The following SULT6B1 variants were observed in gnomAD, a reference collection of about 807,000 sequenced individuals.
The protein encoded by SULT6B1 is sulfotransferase family 6B member 1, also known as sulfotransferase 6B1.
Under a neutral mutation model 37.2 loss-of-function variants are expected in SULT6B1, and 44 were observed. The observed-to-expected ratio is 1.18, with a 90% confidence interval of 0.93 to 1.52. The LOEUF (loss-of-function observed/expected upper bound fraction) is 1.52. SULT6B1 is among the 40% of genes most tolerant of loss of function. The pLI, the probability that SULT6B1 is intolerant of heterozygous loss-of-function variation, is 0.00. For missense variants in SULT6B1, 450 were observed against 361.0 expected, an observed-to-expected ratio of 1.25 and a Z score of -2.00; for synonymous variants, 140 against 126.0, an observed-to-expected ratio of 1.11 and a Z score of -0.74.
chr2:37,179,545 A>G lies in SULT6B1; in HGVS notation c.442T>C (p.Ser148Pro). 1 of 1,613,894 alleles carries G rather than the reference A, an allele frequency of 6.2e-7. No individual in the cohort carries two copies. Among genetic ancestry groups the G allele is most frequent in the Non-Finnish European group, 8.5e-7 (1 of 1,179,882 alleles). ...ACATCGTTGTGGAAATGCAAAAAAG[A>G]TACTGCTGTATCTTTAGGGTTTCGA... is the stretch of plus-strand genomic sequence containing the variant. ...IFRNPKDTAV[S>P]FLHFHNDVPD... Residue 148 changes from serine to proline, a missense_variant, in exon 4 of 7, where the codon TCT (serine) becomes CCT (proline). Ser to Pro is a moderately conservative substitution (Grantham distance 74). Transcript: ENST00000535679.
intron 5 of SULT6B1, among the ~76,000 whole-genome samples, chr2:37,172,208 A>G (rs6706672): frequency 0.71 from 108,485 of 152,000 alleles, 39,177 homozygotes; most frequent in East Asian, 0.96. Context: ...GTGCCACCAC[A>G]TCTGGCTAAT....
chr2:37,187,533 T>C, intron 1 of SULT6B1, 66 bp from the exon 2 acceptor site: 1 of 923,680 alleles, frequency 1.1e-6, no homozygotes, highest in South Asian at 1.8e-5. Context: ...GACGTTACTT[T>C]AGCATATACA....
chr2:37,193,333 G>T (rs1303956466), upstream of SULT6B1, among the ~76,000 whole-genome samples: 1 of 151,128 alleles, frequency 6.6e-6, no homozygotes, highest in African/African-American at 2.4e-5. Context: ...GTGGCGGTGC[G>T]TGCCTGTAGT....
intron 4 of SULT6B1, 74 bp downstream of exon 4, chr2:37,179,384 A>T: frequency 6.3e-7 from 1 of 1,584,196 alleles, no homozygotes. Flanking sequence ...CCTTTACCCT[A>T]AAACACATTT....
intron 4 of SULT6B1, among the ~76,000 whole-genome samples, chr2:37,177,585 G>A (rs1276815324): frequency 6.6e-6 from 1 of 152,094 alleles, no homozygotes; most frequent in Non-Finnish European, 1.5e-5. Flanking sequence ...GTACAAACTT[G>A]TTATGAAGTT....
At chr2:37,178,600 G>A (rs576550612) in intron 4 of SULT6B1, among the ~76,000 whole-genome samples, 1 of 139,656 alleles carries the variant, frequency 7.2e-6, no homozygotes, top group Admixed American at 7.8e-5. Flanking sequence ...CTCATAGTTT[G>A]TTATAAATCT....
At chr2:37,169,679 G>C (rs1351016623) in intron 6 of SULT6B1, among the ~76,000 whole-genome samples, 3 of 152,140 alleles carry the variant, frequency 2.0e-5, no homozygotes, top group South Asian at 4.1e-4. Context: ...ATTTTTGGTA[G>C]AGACAGGGTT....
intron 2 of SULT6B1, among the ~76,000 whole-genome samples, chr2:37,185,020 A>G (rs776479134): frequency 7.9e-5 from 12 of 152,212 alleles, no homozygotes; most frequent in Non-Finnish European, 1.3e-4. Context: ...ATTCACAACA[A>G]TCCTCTTAGG....
chr2:37,189,785 T>C (rs1461439853), upstream of SULT6B1: 1 of 152,262 alleles, frequency 6.6e-6, no homozygotes, highest in African/African-American at 2.4e-5. Flanking sequence ...TTTGGGTAAG[T>C]TGGCCCACAC....
At chr2:37,180,514 T>C (rs1275317734) in intron 3 of SULT6B1, among the ~76,000 whole-genome samples, 2 of 152,128 alleles carry the variant, frequency 1.3e-5, no homozygotes, top group Admixed American at 6.5e-5. Flanking sequence ...TTTAGATTAG[T>C]AGGTGGAGTA....
chr2:37,193,642 GA>G (rs1237976626), upstream of SULT6B1, among the ~76,000 whole-genome samples: 1 of 150,460 alleles, frequency 6.6e-6, no homozygotes, highest in African/African-American at 2.4e-5. Context: ...AGAAGAAGAA[GA>G]AGAAGAAGGA....
chr2:37,192,006 G>T (rs1473585447), upstream of SULT6B1, among the ~76,000 whole-genome samples: 9 of 152,340 alleles, frequency 5.9e-5, 1 homozygote. Flanking sequence ...AGCGGGCTGA[G>T]TGTGGATCCC....
At chr2:37,185,261 T>C (rs1676646069) in intron 2 of SULT6B1, among the ~76,000 whole-genome samples, 4 of 152,184 alleles carry the variant, frequency 2.6e-5, no homozygotes, top group Admixed American at 2.0e-4. Context: ...ATTAGATAGC[T>C]ACATAATATA....
chr2:37,168,163 A>C (rs1420668391), intron 6 of SULT6B1, 98 bp from the exon 7 acceptor site: 2 of 1,199,808 alleles, frequency 1.7e-6, no homozygotes, highest in African/African-American at 3.2e-5. Flanking sequence ...ATATGTTAAA[A>C]TGGACACATG....
At chr2:37,193,089 C>T (rs775329571), upstream of SULT6B1, among the ~76,000 whole-genome samples, 6 of 152,102 alleles carry the variant, frequency 3.9e-5, no homozygotes, top group Non-Finnish European at 8.8e-5. Flanking sequence ...GATAAATTAC[C>T]GCAGACCTAT....
intron 4 of SULT6B1, among the ~76,000 whole-genome samples, chr2:37,176,274 T>TC (rs1318708237): frequency 6.7e-6 from 1 of 149,000 alleles, no homozygotes; most frequent in African/African-American, 2.5e-5. Context: ...TTTTTTTTTT[T>TC]TTTTTTGAGA....
At chr2:37,178,573 G>C (rs1454899986) in intron 4 of SULT6B1, among the ~76,000 whole-genome samples, 1 of 151,684 alleles carries the variant, frequency 6.6e-6, no homozygotes, top group Non-Finnish European at 1.5e-5. Flanking sequence ...CTGTACAATG[G>C]GGCTAATACC....
In SULT6B1 at chr2:37,183,488, C is replaced by G. The variant is rs774148547; in HGVS notation, c.339G>C (p.Arg113Ser). The G allele has an allele frequency of 2.5e-6, 4 of 1,613,892 alleles. No homozygotes were observed. The Admixed American group carries it at 6.7e-5, about 27-fold the overall frequency. Residue 113 changes from arginine (R) to serine (S), a missense_variant, in exon 3 of 7, where the codon AGG (arginine) becomes AGC (serine). Coordinates refer to ENST00000535679, the MANE Select transcript of SULT6B1 (RefSeq NM_001367551.1). ...CATAGTGGAGGTGAGTTGCCAAAATCCTTGGTGATGGAAAGCCTTTCATTC... is the reference window on the plus strand; with the variant it reads ...CATAGTGGAGGTGAGTTGCCAAAATGCTTGGTGATGGAAAGCCTTTCATTC... ...YQRMKGFPSP[R>S]ILATHLHYDK...
upstream of SULT6B1, among the ~76,000 whole-genome samples, chr2:37,189,109 T>A (rs994373950): frequency 3.9e-5 from 6 of 151,996 alleles, no homozygotes; most frequent in African/African-American, 1.4e-4. Flanking sequence ...GAGACCAGAT[T>A]TGGGGGCAGT....
Sources: gnomAD v4.1 joint callset for allele counts (sites outside exome capture counted in the v4.1 genomes callset) on GRCh38, gnomAD v4.1.1 for gene constraint, MANE v1.5 for transcripts, NCBI Gene and HGNC (gene_info 2026-07-23, HGNC 2026-07-21) for gene names.